The following IL1RAPL2 variants were observed in gnomAD, a reference collection of about 807,000 sequenced individuals.
IL1RAPL2 encodes X-linked interleukin-1 receptor accessory protein-like 2.
IL1RAPL2 carries 3 observed loss-of-function variants against 44.1 expected under a neutral mutation model. The observed-to-expected ratio is 0.07, with a 90% confidence interval of 0.03 to 0.18. The LOEUF (loss-of-function observed/expected upper bound fraction) is 0.18. Ranked by LOEUF, IL1RAPL2 falls within the 10% of genes least tolerant of loss-of-function variation. The pLI, the probability that IL1RAPL2 is intolerant of heterozygous loss-of-function variation, is 1.00. For synonymous variants in IL1RAPL2, 181 were observed against 178.8 expected (o/e 1.01, Z -0.10); for missense variants, 391 against 496.4 (o/e 0.79, Z 2.02).
chrX:104,935,926 A>T (rs1319960720), intron 2 of IL1RAPL2, among the ~76,000 whole-genome samples: 1 of 111,767 alleles, frequency 8.9e-6, no homozygotes, highest in Non-Finnish European at 1.9e-5. Context: ...TTTTGTCAAC[A>T]TCTTCCATGC....
intron 2 of IL1RAPL2, among the ~76,000 whole-genome samples, chrX:104,763,163 A>G (rs937576208): frequency 1.8e-5 from 2 of 111,588 alleles, no homozygotes; most frequent in Non-Finnish European, 1.9e-5. Flanking sequence ...TCTCAAGTTC[A>G]AAGTTCCACA....
intron 3 of IL1RAPL2, 26 bp downstream of exon 3, chrX:105,195,774 C>T: frequency 1.7e-6 from 2 of 1,196,723 alleles, no homozygotes; most frequent in South Asian, 1.8e-5. Flanking sequence ...AAACATTGCC[C>T]AATCACATGG....
At chrX:105,017,859 G>C (rs1602892905) in intron 2 of IL1RAPL2, among the ~76,000 whole-genome samples, 1 of 111,449 alleles carries the variant, frequency 9.0e-6, no homozygotes, top group South Asian at 3.7e-4. Flanking sequence ...TTGGAAAAAA[G>C]TGACTAAGAG....
intron 6 of IL1RAPL2, among the ~76,000 whole-genome samples, chrX:105,517,556 A>G (rs1397983457): frequency 9.0e-6 from 1 of 111,286 alleles, no homozygotes. Flanking sequence ...TGTTTCCTCT[A>G]TTAGGACACC....
At chrX:104,679,933 G>A (rs1167355014) in intron 2 of IL1RAPL2, among the ~76,000 whole-genome samples, 1 of 111,722 alleles carries the variant, frequency 9.0e-6, no homozygotes, top group African/African-American at 3.3e-5. Context: ...AATAAATCAG[G>A]ACAGCTGAAA....
intron 6 of IL1RAPL2, among the ~76,000 whole-genome samples, chrX:105,690,290 G>A (rs1012224653): frequency 9.0e-6 from 1 of 111,298 alleles, no homozygotes; most frequent in African/African-American, 3.3e-5. Context: ...GTTATCTAAA[G>A]ATCTTGGAAA....
intron 2 of IL1RAPL2, among the ~76,000 whole-genome samples, chrX:104,720,833 A>C (rs1025127335): frequency 2.7e-5 from 3 of 111,630 alleles, no homozygotes; most frequent in Non-Finnish European, 5.7e-5. Flanking sequence ...CTGTCAGTCC[A>C]ACTGCCTGAT....
intron 1 of IL1RAPL2, among the ~76,000 whole-genome samples, chrX:104,623,822 C>T (rs150133155): frequency 1.3e-3 from 140 of 111,989 alleles, no homozygotes; most frequent in African/African-American, 4.3e-3. Context: ...TTCAGTTTAT[C>T]GCATTCAGAG....
At chrX:104,962,273 T>C (rs1277746091) in intron 2 of IL1RAPL2, among the ~76,000 whole-genome samples, 2 of 112,436 alleles carry the variant, frequency 1.8e-5, no homozygotes, top group Non-Finnish European at 3.8e-5. Context: ...ACAGCCAAGA[T>C]TTCTGCCATG....
chrX:104,620,956 C>A (rs1022725655), intron 1 of IL1RAPL2, among the ~76,000 whole-genome samples: 2 of 95,398 alleles, frequency 2.1e-5, no homozygotes, highest in Admixed American at 1.1e-4. Flanking sequence ...TATATAAATT[C>A]TATAATTTAT....
At position 104,885,335 on chromosome X, in the gene IL1RAPL2, G is replaced by T. The variant is rs1438252397; in HGVS notation, c.82+226340G>T. Among the ~76,000 whole-genome samples, 3 of 111,314 alleles carry T rather than the reference G, an allele frequency of 2.7e-5. No individual in the cohort carries two copies. The East Asian group carries it at 8.5e-4, about 32-fold the overall frequency. ...GGGACTGGAGTCGTAAACATCTATT[G>T]ACCTGTGTTCTAGAAGGACTAAGAA... On this transcript the variant is annotated intron_variant, in intron 2 of 10. Coordinates refer to ENST00000372582, the MANE Select transcript of IL1RAPL2 (RefSeq NM_017416.2).
At chrX:105,063,335 G>A (rs950517399) in intron 2 of IL1RAPL2, among the ~76,000 whole-genome samples, 6 of 112,415 alleles carry the variant, frequency 5.3e-5, no homozygotes, top group Admixed American at 4.7e-4. Context: ...ATTTCTCTGA[G>A]TTTCCTCAAA....
intron 2 of IL1RAPL2, among the ~76,000 whole-genome samples, chrX:104,690,309 A>G (rs1345631849): frequency 8.9e-6 from 1 of 112,524 alleles, no homozygotes; most frequent in African/African-American, 3.2e-5. Flanking sequence ...TGATCTGTTA[A>G]TAAATTATGC....
intron 2 of IL1RAPL2, among the ~76,000 whole-genome samples, chrX:104,918,938 T>A (rs1313422666): frequency 9.0e-6 from 1 of 111,674 alleles, no homozygotes; most frequent in African/African-American, 3.3e-5. Context: ...TACAAAACTT[T>A]AGGGATTTAA....
chrX:104,940,700 T>C (rs1266231823), intron 2 of IL1RAPL2, among the ~76,000 whole-genome samples: 1 of 107,833 alleles, frequency 9.3e-6, no homozygotes, highest in Admixed American at 9.8e-5. Context: ...CATTCTCACT[T>C]CTTTTTTTTT....
At chrX:105,100,018 C>A (rs879248228) in intron 2 of IL1RAPL2, among the ~76,000 whole-genome samples, 1 of 111,098 alleles carries the variant, frequency 9.0e-6, no homozygotes, top group East Asian at 2.8e-4. Context: ...ATTCATGGTA[C>A]AGTACAATAA....
intron 2 of IL1RAPL2, among the ~76,000 whole-genome samples, chrX:104,828,628 G>A (rs1921526875): frequency 8.9e-6 from 1 of 112,212 alleles, no homozygotes; most frequent in Non-Finnish European, 1.9e-5. Flanking sequence ...TGAGGAGGCA[G>A]TCTGTCCCTT....
intron 2 of IL1RAPL2, among the ~76,000 whole-genome samples, chrX:104,712,422 C>T (rs1931477403): frequency 9.1e-6 from 1 of 110,402 alleles, no homozygotes; most frequent in Non-Finnish European, 1.9e-5. Flanking sequence ...AGCTTGTGGT[C>T]CTCTGCAGAT....
chrX:105,031,279 T>C (rs1463420816), intron 2 of IL1RAPL2, among the ~76,000 whole-genome samples: 2 of 107,338 alleles, frequency 1.9e-5, no homozygotes, highest in Non-Finnish European at 1.9e-5. Flanking sequence ...TCCAACACTA[T>C]GTTGAATAGG....
Sources: gnomAD v4.1 joint callset for allele counts (sites outside exome capture counted in the v4.1 genomes callset) on GRCh38, gnomAD v4.1.1 for gene constraint, MANE v1.5 for transcripts, NCBI Gene and HGNC (gene_info 2026-07-23, HGNC 2026-07-21) for gene names.